CCSER1: variants seen among roughly 807,000 people sequenced by gnomAD.
CCSER1 encodes the protein serine-rich coiled-coil domain-containing protein 1.
A neutral mutation model predicts 82.0 loss-of-function variants in CCSER1; 41 were observed. The observed-to-expected ratio is 0.50, with a 90% CI of 0.39 to 0.65. CCSER1 has a LOEUF of 0.65. CCSER1 is among the 30% of genes least tolerant of loss of function. CCSER1 has a pLI of 0.00. For synonymous variants in CCSER1, 414 were observed against 383.9 expected (o/e 1.08, Z -0.92); for missense variants, 1,119 against 1,064.2 (o/e 1.05, Z -0.72).
chr4:90,979,149 A>G (rs998534661), intron 9 of CCSER1, among the ~76,000 whole-genome samples: 7 of 151,458 alleles, frequency 4.6e-5, no homozygotes, highest in African/African-American at 1.4e-4. Context: ...AAACATAAAT[A>G]TATACTTTTA....
intron 4 of CCSER1, among the ~76,000 whole-genome samples, chr4:90,454,350 A>G (rs1761898967): frequency 6.7e-6 from 1 of 149,210 alleles, no homozygotes; most frequent in Non-Finnish European, 1.5e-5. Context: ...CTTCCTTCTG[A>G]TGTCTGGGGC....
chr4:90,630,248 G>A (rs112220532), intron 6 of CCSER1, among the ~76,000 whole-genome samples: 12 of 152,068 alleles, frequency 7.9e-5, no homozygotes, highest in African/African-American at 2.4e-4. Context: ...GACAAACTTA[G>A]TAACAGCTGT....
intron 10 of CCSER1, among the ~76,000 whole-genome samples, chr4:91,144,929 A>G (rs1350900317): frequency 1.3e-5 from 2 of 151,990 alleles, no homozygotes; most frequent in East Asian, 3.8e-4. Context: ...GAGAACATAC[A>G]TTGTTTGATT....
chr4:90,170,493 C>A (rs536938087), intron 1 of CCSER1, among the ~76,000 whole-genome samples: 1 of 150,912 alleles, frequency 6.6e-6, no homozygotes, highest in African/African-American at 2.4e-5. Context: ...TTATATTTTT[C>A]ACCAGTTAAC....
Position 90,336,537 on chromosome 4 carries a change from T to C in CCSER1, c.1509+23490T>C, listed in dbSNP as rs997747051. 2.6e-5 allele frequency among the ~76,000 whole-genome samples: 4 copies of C among 152,312 alleles called. No individual in the cohort carries two copies. In the East Asian group the frequency reaches 7.7e-4, roughly 29 times the overall value. On this transcript the variant is annotated intron_variant, in intron 3 of 10. Transcript: ENST00000509176. ...TGGGTTTAAGTAAGAATGGTTTAAG[T>C]AAGAACAGGCTGTTAAAGACTTCAA...
chr4:90,568,953 A>G (rs1370359250), intron 5 of CCSER1, among the ~76,000 whole-genome samples: 1 of 151,764 alleles, frequency 6.6e-6, no homozygotes, highest in Admixed American at 6.6e-5. Context: ...TTTGTAGTAG[A>G]GACAGGATTT....
rs375660787 is a variant in CCSER1 at position 90,208,108 on chromosome 4, TC to T, written c.-42+80282del. ...TGAAGCTGCGCCCGCAGCCACCCCT[TC>T]CCCCAGGTGCTCTGTCCCAGGGAAA... On this transcript the variant is annotated intron_variant, in intron 1 of 10. Transcript: ENST00000509176. 7.0e-4 allele frequency among the ~76,000 whole-genome samples: 106 copies of T among 152,254 alleles called. 3 individuals are homozygous for T. The East Asian group carries it at 0.013, about 19-fold the overall frequency.
intron 1 of CCSER1, among the ~76,000 whole-genome samples, chr4:90,269,914 A>G (rs1026858753): frequency 6.6e-6 from 1 of 152,102 alleles, no homozygotes; most frequent in African/African-American, 2.4e-5. Context: ...TATAAATTGG[A>G]AAACTGAGAA....
At chr4:90,949,446 A>G (rs1342528491) in intron 9 of CCSER1, among the ~76,000 whole-genome samples, 1 of 152,140 alleles carries the variant, frequency 6.6e-6, no homozygotes, top group Admixed American at 6.6e-5. Flanking sequence ...AATACGGTAA[A>G]TAGGAGTGTG....
At chr4:90,181,570 C>A (rs1456360449) in intron 1 of CCSER1, among the ~76,000 whole-genome samples, 1 of 152,044 alleles carries the variant, frequency 6.6e-6, no homozygotes, top group Non-Finnish European at 1.5e-5. Flanking sequence ...AAAGAAAAAG[C>A]AAAATAGTGA....
intron 4 of CCSER1, among the ~76,000 whole-genome samples, chr4:90,418,990 A>C (rs1305251168): frequency 6.6e-6 from 1 of 152,010 alleles, no homozygotes; most frequent in Non-Finnish European, 1.5e-5. Flanking sequence ...AGGAAGAGAA[A>C]CCCAGAAGAG....
At chr4:90,479,548 C>T (rs573776728) in intron 5 of CCSER1, among the ~76,000 whole-genome samples, 30 of 152,030 alleles carry the variant, frequency 2.0e-4, no homozygotes, top group Middle Eastern at 3.4e-3. Context: ...CACAACAGGC[C>T]CTGGTGAGTA....
At chr4:91,268,640 TAA>T (rs1305758904) in intron 10 of CCSER1, among the ~76,000 whole-genome samples, 1 of 152,074 alleles carries the variant, frequency 6.6e-6, no homozygotes, top group Non-Finnish European at 1.5e-5. Context: ...GCTGAGTCCG[TAA>T]AGACAGTCAG....
chr4:91,004,815 G>A (rs1738358544), intron 9 of CCSER1, among the ~76,000 whole-genome samples: 1 of 152,074 alleles, frequency 6.6e-6, no homozygotes, highest in East Asian at 1.9e-4. Flanking sequence ...AACATTTTAT[G>A]TATTTCTGGG....
At chr4:90,374,541 C>T (rs1000319191) in intron 3 of CCSER1, among the ~76,000 whole-genome samples, 12 of 152,126 alleles carry the variant, frequency 7.9e-5, no homozygotes, top group African/African-American at 1.2e-4. Context: ...TGGTTGCTGT[C>T]ATTCTGAATA....
rs114701095 is a variant in CCSER1, at chr4:91,120,415, G to A, written c.2217+34421G>A. ...TGAGGTCAGAGTTAATATAAAGGAT[G>A]ATTTTCCACCTCTTAGAGATTACTT... On this transcript the variant is annotated intron_variant, in intron 10 of 10. Transcript: ENST00000509176. Among the ~76,000 whole-genome samples the A allele has an allele frequency of 8.4e-3, 1,280 of 152,008 alleles. 12 individuals carry two copies. Among genetic ancestry groups the A allele is most frequent in the African/African-American group, 0.03 (1,230 of 41,506 alleles).
At chr4:90,947,060 T>C (rs185717147) in intron 9 of CCSER1, among the ~76,000 whole-genome samples, 1 of 152,302 alleles carries the variant, frequency 6.6e-6, no homozygotes, top group Admixed American at 6.5e-5. Context: ...CAACAGATCT[T>C]AAATTTCCAC....
At chr4:90,374,970 C>A (rs1748068609) in intron 3 of CCSER1, among the ~76,000 whole-genome samples, 1 of 152,108 alleles carries the variant, frequency 6.6e-6, no homozygotes, top group African/African-American at 2.4e-5. Context: ...TTGGAATGGG[C>A]TCCTAAATAA....
chr4:90,449,658 C>T (rs1386815839), intron 4 of CCSER1, among the ~76,000 whole-genome samples: 1 of 152,228 alleles, frequency 6.6e-6, no homozygotes, highest in African/African-American at 2.4e-5. Flanking sequence ...TCAGCACCAC[C>T]CTGAGTGTGT....
Sources: allele counts gnomAD v4.1 joint callset (sites outside exome capture counted in the v4.1 genomes callset), GRCh38; gene constraint gnomAD v4.1.1; transcripts MANE v1.5; gene names NCBI Gene and HGNC (gene_info 2026-07-23, HGNC 2026-07-21).